Variants in CDK14 observed in about 807,000 individuals in gnomAD.
CDK14 encodes the protein cyclin dependent kinase 14, also known as cyclin-dependent kinase 14.
CDK14 carries 34 observed loss-of-function variants against 60.7 expected under a neutral mutation model. That is an observed-to-expected ratio of 0.56 (90% CI 0.43 to 0.75). The LOEUF (loss-of-function observed/expected upper bound fraction) is 0.75. Among genes scored for constraint, CDK14 ranks in the 30% least tolerant of loss-of-function variants. CDK14 has a pLI of 0.00. For missense variants in CDK14, 482 were observed against 564.1 expected, an observed-to-expected ratio of 0.85 and a Z score of 1.47; for synonymous variants, 197 against 203.7, an observed-to-expected ratio of 0.97 and a Z score of 0.28.
At chr7:91,027,644 A>G (rs994035349) in intron 10 of CDK14, among the ~76,000 whole-genome samples, 1 of 151,878 alleles carries the variant, frequency 6.6e-6, no homozygotes, top group Non-Finnish European at 1.5e-5. Context: ...ATGGGAGCTG[A>G]TTCTTTTTTT....
chr7:90,896,011 A>G (rs1792326095), intron 6 of CDK14, among the ~76,000 whole-genome samples: 1 of 151,776 alleles, frequency 6.6e-6, no homozygotes, highest in South Asian at 2.1e-4. Context: ...GTTCAAACTT[A>G]TTGTTTTCTA....
chr7:90,807,078 G>A (rs566010083), intron 5 of CDK14, among the ~76,000 whole-genome samples: 5 of 152,338 alleles, frequency 3.3e-5, no homozygotes, highest in Non-Finnish European at 5.9e-5. Context: ...AGAAACCTCT[G>A]CAGACTTAAA....
At chr7:90,614,910 G>A (rs1247366376) in intron 2 of CDK14, among the ~76,000 whole-genome samples, 3 of 152,046 alleles carry the variant, frequency 2.0e-5, no homozygotes, top group Non-Finnish European at 4.4e-5. Flanking sequence ...ACTTAGGCTG[G>A]GGATATGGAA....
At chr7:90,909,184 T>C (rs1792809753) in intron 7 of CDK14, among the ~76,000 whole-genome samples, 1 of 152,208 alleles carries the variant, frequency 6.6e-6, no homozygotes, top group Non-Finnish European at 1.5e-5. Flanking sequence ...TATTTCTGTA[T>C]AGTTCAGAAA....
intron 12 of CDK14, among the ~76,000 whole-genome samples, chr7:91,103,796 T>C (rs929333695): frequency 9.2e-5 from 14 of 151,846 alleles, no homozygotes; most frequent in Non-Finnish European, 2.1e-4. Flanking sequence ...CCTTCTTTCA[T>C]ACATTTTTTT....
intron 7 of CDK14, among the ~76,000 whole-genome samples, chr7:90,908,693 A>G (rs1466421662): frequency 6.6e-6 from 1 of 152,188 alleles, no homozygotes; most frequent in Non-Finnish European, 1.5e-5. Flanking sequence ...GGATAGGCAC[A>G]GCATTCCTGT....
intron 2 of CDK14, among the ~76,000 whole-genome samples, chr7:90,610,324 C>A (rs1251704028): frequency 6.6e-6 from 1 of 152,178 alleles, no homozygotes; most frequent in Non-Finnish European, 1.5e-5. Flanking sequence ...GAGGAAATCA[C>A]TCTATAAATA....
At chr7:90,950,004 T>G (rs1164230788) in intron 8 of CDK14, among the ~76,000 whole-genome samples, 1 of 152,212 alleles carries the variant, frequency 6.6e-6, no homozygotes, top group East Asian at 1.9e-4. Flanking sequence ...ATTATATGAG[T>G]AGATTGGGCA....
chr7:90,689,033 T>C (rs1232425964), intron 2 of CDK14, among the ~76,000 whole-genome samples: 1 of 152,156 alleles, frequency 6.6e-6, no homozygotes, highest in East Asian at 1.9e-4. Flanking sequence ...TTTGTGGAGC[T>C]TGAGCTCTGT....
chr7:90,970,573 G>T (rs1440725059), intron 9 of CDK14, among the ~76,000 whole-genome samples: 1 of 152,224 alleles, frequency 6.6e-6, no homozygotes, highest in Non-Finnish European at 1.5e-5. Flanking sequence ...AGGAGATGCA[G>T]TTTCTGATTC....
chr7:90,710,864 G>A (rs1360860253), intron 2 of CDK14, among the ~76,000 whole-genome samples: 1 of 152,058 alleles, frequency 6.6e-6, no homozygotes, highest in Non-Finnish European at 1.5e-5. Flanking sequence ...CATATTTGAT[G>A]TGGCGGGGGT....
At chr7:90,638,038 T>C (rs1371342757) in intron 2 of CDK14, among the ~76,000 whole-genome samples, 4 of 149,476 alleles carry the variant, frequency 2.7e-5, no homozygotes, top group Non-Finnish European at 5.9e-5. Context: ...GAACGTGAGA[T>C]GGGTTTCCTG....
At chr7:90,846,378 C>G (rs1790470224) in intron 5 of CDK14, among the ~76,000 whole-genome samples, 3 of 152,146 alleles carry the variant, frequency 2.0e-5, no homozygotes, top group African/African-American at 7.2e-5. Flanking sequence ...ATTTATGGCT[C>G]TTCTCACCCA....
At position 90,938,742 on chromosome 7, in the gene CDK14, T is replaced by G. The variant is rs544332326; in HGVS notation, c.827-16955T>G. Among the ~76,000 whole-genome samples the G allele has an allele frequency of 2.0e-5, 3 of 152,298 alleles. No individual in the cohort carries two copies. The South Asian group carries it at 6.2e-4, about 32-fold the overall frequency. ...GCCAGTAGTTGAAACAAAACAAGGT[T>G]TACAGAAAATAATTGATATTATAAA... On this transcript the variant is annotated intron_variant, in intron 8 of 14. Transcript: ENST00000380050.
At chr7:91,024,202 T>G (rs950890428) in intron 10 of CDK14, among the ~76,000 whole-genome samples, 1 of 152,218 alleles carries the variant, frequency 6.6e-6, no homozygotes, top group Non-Finnish European at 1.5e-5. Flanking sequence ...TATAATGGTA[T>G]TTTTAGTACT....
chr7:91,034,646 C>T (rs1024492725), intron 10 of CDK14, among the ~76,000 whole-genome samples: 1 of 152,154 alleles, frequency 6.6e-6, no homozygotes, highest in South Asian at 2.1e-4. Flanking sequence ...GGCAGCTTTT[C>T]ATTTTCTCAG....
intron 2 of CDK14, among the ~76,000 whole-genome samples, chr7:90,605,947 A>G (rs1173189245): frequency 1.3e-5 from 2 of 152,222 alleles, no homozygotes; most frequent in African/African-American, 4.8e-5. Flanking sequence ...AGATGTGTCA[A>G]ACCTGTAACT....
chr7:90,830,887 G>A (rs1417367413), intron 5 of CDK14, among the ~76,000 whole-genome samples: 2 of 152,212 alleles, frequency 1.3e-5, no homozygotes, highest in African/African-American at 4.8e-5. Context: ...AGCATAGCAA[G>A]AGTGACCTTT....
intron 2 of CDK14, among the ~76,000 whole-genome samples, chr7:90,679,559 C>T (rs1323246909): frequency 6.6e-6 from 1 of 152,152 alleles, no homozygotes; most frequent in East Asian, 1.9e-4. Context: ...CCTCTAGATG[C>T]ACCAGTCCCC....
Sources: gnomAD v4.1 joint callset for allele counts (sites outside exome capture counted in the v4.1 genomes callset) on GRCh38, gnomAD v4.1.1 for gene constraint, MANE v1.5 for transcripts, NCBI Gene and HGNC (gene_info 2026-07-23, HGNC 2026-07-21) for gene names.